The following SNX10 variants were observed in gnomAD, a reference collection of about 807,000 sequenced individuals.
SNX10 encodes sorting nexin-10.
SNX10 carries 25 observed loss-of-function variants against 28.5 expected under a neutral mutation model. That is an observed-to-expected ratio of 0.88 (90% CI 0.64 to 1.22). SNX10 has a LOEUF of 1.22. Among genes scored for constraint, SNX10 ranks in the 50% most tolerant of loss-of-function variants. SNX10 has a pLI of 0.00. For missense variants in SNX10, 223 were observed against 242.6 expected, an observed-to-expected ratio of 0.92 and a Z score of 0.54; for synonymous variants, 62 against 81.4, an observed-to-expected ratio of 0.76 and a Z score of 1.28.
chr7:26,327,737 T>C (rs1787559725), intron 1 of SNX10, among the ~76,000 whole-genome samples: 1 of 142,202 alleles, frequency 7.0e-6, no homozygotes, highest in South Asian at 2.3e-4. Context: ...TTTTTTTTTT[T>C]TTTTTTTTTT....
chr7:26,329,661 T>A (rs1454094842), intron 1 of SNX10, among the ~76,000 whole-genome samples: 1 of 152,208 alleles, frequency 6.6e-6, no homozygotes, highest in East Asian at 1.9e-4. Context: ...TTGTTGCTGA[T>A]ACCGTGTACC....
chr7:26,296,211 G>C (rs1481478553), intron 1 of SNX10, among the ~76,000 whole-genome samples: 2 of 152,076 alleles, frequency 1.3e-5, no homozygotes, highest in African/African-American at 2.4e-5. Flanking sequence ...TGGCTCACTG[G>C]GAAGTAAGCC....
intron 1 of SNX10, among the ~76,000 whole-genome samples, chr7:26,336,900 T>G (rs1431233974): frequency 2.0e-5 from 3 of 152,222 alleles, no homozygotes; most frequent in Admixed American, 1.3e-4. Context: ...TTTTGAACAT[T>G]CTTTCCTGTA....
rs1344669735 is a variant in SNX10 at position 26,373,688 on chromosome 7, C to T, written c.*1116C>T. The T allele has an allele frequency of 6.6e-6, 1 of 151,822 alleles. No individual in the cohort carries two copies. Among genetic ancestry groups the T allele is most frequent in the African/African-American group, 2.4e-5 (1 of 41,360 alleles). 9.4% of individuals were successfully genotyped at this position (151,822 alleles called of 1,614,324 possible). A position where few individuals can be genotyped will look rare whatever the true frequency, so the allele number is the denominator to read the frequency against. On this transcript the variant is annotated 3_prime_UTR_variant, in exon 7 of 7. Coordinates refer to ENST00000338523, the MANE Select transcript of SNX10 (RefSeq NM_013322.3). This position sits in a 1 kb window ranked among gnomAD's most constrained non-coding sequence, Gnocchi z 4.2. ...CTTGAGATAATTACCCAAGTTTCAT[C>T]CATGTTGAATGGTACAAAATATTTC...
intron 1 of SNX10, among the ~76,000 whole-genome samples, chr7:26,301,779 A>G (rs1478246131): frequency 6.6e-6 from 1 of 152,236 alleles, no homozygotes; most frequent in Non-Finnish European, 1.5e-5. Flanking sequence ...ACTTGAACAA[A>G]TGGAGGAGAC....
chr7:26,300,625 G>T (rs1317506108), intron 1 of SNX10, among the ~76,000 whole-genome samples: 1 of 152,082 alleles, frequency 6.6e-6, no homozygotes, highest in Non-Finnish European at 1.5e-5. Flanking sequence ...ATTTTAAAAG[G>T]TTTATCCCAG....
intron 5 of SNX10, among the ~76,000 whole-genome samples, chr7:26,369,418 T>A (rs749327862): frequency 2.0e-5 from 3 of 152,178 alleles, no homozygotes; most frequent in Non-Finnish European, 2.9e-5. Flanking sequence ...CCTAACCAGA[T>A]GGGAAAACAC....
chr7:26,321,011 C>G (rs1208008564), intron 1 of SNX10, among the ~76,000 whole-genome samples: 1 of 152,150 alleles, frequency 6.6e-6, no homozygotes, highest in Non-Finnish European at 1.5e-5. Flanking sequence ...GTGGCTTTAC[C>G]TCTGGGTGCT....
intron 1 of SNX10, among the ~76,000 whole-genome samples, chr7:26,314,255 T>C (rs1338952717): frequency 7.9e-6 from 1 of 126,448 alleles, no homozygotes; most frequent in Non-Finnish European, 1.7e-5. Context: ...ATAATGTGCC[T>C]ACTGTTCAAT....
chr7:26,349,246 T>C (rs1017405962), intron 2 of SNX10, among the ~76,000 whole-genome samples: 1 of 152,322 alleles, frequency 6.6e-6, no homozygotes, highest in Admixed American at 6.5e-5. Flanking sequence ...GGCACGTGAA[T>C]TGAGATTTAT....
intron 3 of SNX10, among the ~76,000 whole-genome samples, chr7:26,363,862 A>G (rs1168361206): frequency 6.6e-6 from 1 of 152,178 alleles, no homozygotes; most frequent in Non-Finnish European, 1.5e-5. Context: ...AGTTCATCCC[A>G]TTTTAGTACT....
chr7:26,365,095 T>C lies in SNX10; in HGVS notation c.261T>C (p.Asn87=). 6.2e-7 allele frequency: 1 copy of C among 1,613,504 alleles called. No individual in the cohort carries two copies. The highest frequency in any genetic ancestry group is 8.5e-7 in the Non-Finnish European group (1 of 1,179,458). Residue 87 remains asparagine (N), a synonymous_variant, in exon 5 of 7, where the codon AAT becomes AAC. Transcript: ENST00000338523. ...PSKNLFFNMN[N]RQHVDQRRQG... ...AAAACCTGTTTTTCAACATGAACAATCGCCAGCACGTGGATCAGCGTCGCC... is the reference window on the plus strand; with the variant it reads ...AAAACCTGTTTTTCAACATGAACAACCGCCAGCACGTGGATCAGCGTCGCC...
intron 1 of SNX10, among the ~76,000 whole-genome samples, chr7:26,295,858 TGG>T (rs1215739315): frequency 2.6e-5 from 4 of 152,208 alleles, no homozygotes; most frequent in Non-Finnish European, 4.4e-5. Flanking sequence ...AAAAGCTGTT[TGG>T]GGAGAAGAAG....
At chr7:26,339,257 C>G (rs1217963750) in intron 1 of SNX10, among the ~76,000 whole-genome samples, 2 of 152,146 alleles carry the variant, frequency 1.3e-5, no homozygotes, top group Non-Finnish European at 2.9e-5. Flanking sequence ...ATAATTTCCT[C>G]AGTTATAATT....
intron 1 of SNX10, among the ~76,000 whole-genome samples, chr7:26,295,011 A>G (rs1786057133): frequency 6.6e-6 from 1 of 151,966 alleles, no homozygotes; most frequent in Non-Finnish European, 1.5e-5. Flanking sequence ...CTAAGTAACT[A>G]CTCCTTGCTC....
chr7:26,364,523 TTC>T lies in SNX10; in HGVS notation c.112-8_112-7del. ...CTCAGGTAAGACTCATTTTTCTACT[TTC>T]TCTGTACAGACTAATAGCATGTGTT... On this transcript the variant is annotated splice_polypyrimidine_tract_variant and intron_variant, in intron 3 of 6. Transcript: ENST00000338523. The surrounding 1 kb of genome is among the most constrained non-coding windows in gnomAD (Gnocchi z 4.9). 1 of 1,595,840 alleles carries T rather than the reference TTC, an allele frequency of 6.3e-7. No homozygotes were observed. The highest frequency in any genetic ancestry group is 8.5e-7 in the Non-Finnish European group (1 of 1,172,704).
intron 5 of SNX10, chr7:26,370,600 A>G (rs913978322): frequency 5.3e-5 from 8 of 152,196 alleles, no homozygotes; most frequent in Non-Finnish European, 7.3e-5. Flanking sequence ...TTGTTAAGAA[A>G]TAATTGTTTT....
intron 2 of SNX10, among the ~76,000 whole-genome samples, chr7:26,347,528 A>G (rs1788434782): frequency 6.6e-6 from 1 of 152,192 alleles, no homozygotes; most frequent in African/African-American, 2.4e-5. Context: ...CGACAGAGCA[A>G]GACCCTGTCT....
At chr7:26,312,064 C>A (rs1025305091) in intron 1 of SNX10, among the ~76,000 whole-genome samples, 1 of 152,108 alleles carries the variant, frequency 6.6e-6, no homozygotes, top group Non-Finnish European at 1.5e-5. Context: ...TACACAATAT[C>A]AGAAAACAAA....
Sources: gnomAD v4.1 joint callset for allele counts (sites outside exome capture counted in the v4.1 genomes callset) on GRCh38, gnomAD v4.1.1 for gene constraint, Gnocchi (gnomAD v3.1) non-coding constraint, MANE v1.5 for transcripts, NCBI Gene and HGNC (gene_info 2026-07-23, HGNC 2026-07-21) for gene names.